SAMSN1: variants seen among roughly 807,000 people sequenced by gnomAD.
SAMSN1 encodes SAM domain-containing protein SAMSN-1.
Under a neutral mutation model 42.0 loss-of-function variants are expected in SAMSN1, and 31 were observed. The observed-to-expected ratio is 0.74, with a 90% confidence interval of 0.55 to 1.00. The LOEUF is 1.00. Among genes scored for constraint, SAMSN1 ranks in the 50% least tolerant of loss-of-function variants. The probability of loss-of-function intolerance (pLI) is 0.00; values close to 1 mark genes in which losing one functional copy is unlikely to be tolerated. For missense variants in SAMSN1, 464 were observed against 439.4 expected (o/e 1.06, Z -0.50); for synonymous variants, 178 against 151.9 (o/e 1.17, Z -1.26).
intron 1 of SAMSN1, among the ~76,000 whole-genome samples, chr21:14,540,494 AAAG>A (rs1302383515): frequency 6.6e-6 from 1 of 152,234 alleles, no homozygotes; most frequent in East Asian, 1.9e-4. Flanking sequence ...ACACTTCTCA[AAAG>A]AAGACATTTA....
At chr21:14,514,827 T>C (rs973430630) in intron 3 of SAMSN1, among the ~76,000 whole-genome samples, 1 of 152,164 alleles carries the variant, frequency 6.6e-6, no homozygotes, top group Non-Finnish European at 1.5e-5. Context: ...GACATCTAAA[T>C]GAAGATATCA....
At chr21:14,643,807 C>T (rs1439297402) in intron 1 of SAMSN1, among the ~76,000 whole-genome samples, 1 of 152,216 alleles carries the variant, frequency 6.6e-6, no homozygotes, top group Non-Finnish European at 1.5e-5. Flanking sequence ...TCCGACGCCA[C>T]TCCTCCCCTA....
chr21:14,615,969 GACTT>G (rs1318838742), intron 3 of SAMSN1: 1 of 547,118 alleles, frequency 1.8e-6, no homozygotes, highest in East Asian at 3.1e-5. Flanking sequence ...AAGTAAATTT[GACTT>G]ACTTTCTCTT....
chr21:14,552,669 T>C (rs1664322828), intron 2 of SAMSN1, among the ~76,000 whole-genome samples: 1 of 152,146 alleles, frequency 6.6e-6, no homozygotes, highest in South Asian at 2.1e-4. Context: ...TGGTATTTTA[T>C]TATAGCAGCC....
Position 14,546,269 on chromosome 21 carries a change from T to C in SAMSN1, c.-8A>G, listed in dbSNP as rs1980385062. The C allele has an allele frequency of 6.2e-7, 1 of 1,613,302 alleles. No homozygotes were observed. Among genetic ancestry groups the C allele is most frequent in the African/African-American group, 1.3e-5 (1 of 74,888 alleles). On this transcript the variant is annotated 5_prime_UTR_variant, in exon 1 of 8. Transcript: ENST00000400566. ...TGGCTTTCTCTTGAGCATTTTGAATTCTGACTACTCCTAGTGAGTGCACTT... is the reference window on the plus strand; with the variant it reads ...TGGCTTTCTCTTGAGCATTTTGAATCCTGACTACTCCTAGTGAGTGCACTT...
At chr21:14,658,744 T>A (rs1208444803) in intron 1 of SAMSN1, 7 of 715,302 alleles carry the variant, frequency 9.8e-6, no homozygotes, top group Non-Finnish European at 7.8e-6. Flanking sequence ...ATAAAGGAAC[T>A]TACCAGCGAA....
At chr21:14,587,302 A>G (rs1478628420), upstream of SAMSN1, among the ~76,000 whole-genome samples, 3 of 152,102 alleles carry the variant, frequency 2.0e-5, no homozygotes, top group African/African-American at 7.2e-5. Context: ...TATCTCATCT[A>G]TCAGCTTTCA....
At chr21:14,547,961 C>A (rs576147133), upstream of SAMSN1, among the ~76,000 whole-genome samples, 200 of 152,186 alleles carry the variant, frequency 1.3e-3, no homozygotes, top group African/African-American at 4.7e-3. Context: ...AATACTGACA[C>A]AGACAGAGAA....
chr21:14,594,073 G>A (rs745990717), exon 7 of SAMSN1: 2 of 710,784 alleles, frequency 2.8e-6, no homozygotes, highest in South Asian at 3.0e-5. Context: ...AACATTCAGA[G>A]GTCACCTTAG....
At chr21:14,531,113 G>A (rs944228118) in intron 1 of SAMSN1, among the ~76,000 whole-genome samples, 2 of 151,930 alleles carry the variant, frequency 1.3e-5, no homozygotes, top group African/African-American at 2.4e-5. Context: ...ATAGGATATG[G>A]CAAATAGACA....
At chr21:14,526,562 G>A (rs1248495384) in intron 1 of SAMSN1, among the ~76,000 whole-genome samples, 1 of 152,138 alleles carries the variant, frequency 6.6e-6, no homozygotes, top group South Asian at 2.1e-4. Context: ...ACAGAATACT[G>A]TTTCATGATA....
chr21:14,531,503 A>G (rs1195013648), intron 1 of SAMSN1, among the ~76,000 whole-genome samples: 2 of 151,798 alleles, frequency 1.3e-5, no homozygotes, highest in African/African-American at 4.8e-5. Context: ...AATCAGAGAG[A>G]GGAAATCTCA....
chr21:14,570,355 C>G (rs1416636348), intron 2 of SAMSN1, among the ~76,000 whole-genome samples: 1 of 152,134 alleles, frequency 6.6e-6, no homozygotes, highest in African/African-American at 2.4e-5. Flanking sequence ...TTGCATGGCT[C>G]CAAGCCACTC....
At chr21:14,523,054 AT>A (rs201007957) in intron 1 of SAMSN1, among the ~76,000 whole-genome samples, 27 of 151,796 alleles carry the variant, frequency 1.8e-4, no homozygotes, top group African/African-American at 5.3e-4. Context: ...TCAGGAACTG[AT>A]TTTTTTTTCT....
rs963641078 is a variant in SAMSN1 at position 14,552,951 on chromosome 21, T to C, written c.261+29185A>G. Among the ~76,000 whole-genome samples, 33 of 152,208 alleles carry C rather than the reference T, an allele frequency of 2.2e-4. 5 individuals are homozygous for C. The highest frequency in any genetic ancestry group is 1.2e-3 in the Admixed American group (19 of 15,272). The stretch of plus-strand genomic sequence containing the variant: ...AAAGTTTTGCAAATATAAAAATGCT[T>C]ACACTAAAAAAGTTAGAAAACACAA... On this transcript the variant is annotated intron_variant, in intron 2 of 8. Transcript: ENST00000285670.
chr21:14,579,503 A>G (rs1015473943), intron 2 of SAMSN1, among the ~76,000 whole-genome samples: 8 of 152,216 alleles, frequency 5.3e-5, no homozygotes, highest in African/African-American at 1.9e-4. Flanking sequence ...AGCTAGAAAA[A>G]CAAGAAGAAA....
At chr21:14,530,023 A>G (rs1979139074) in intron 1 of SAMSN1, among the ~76,000 whole-genome samples, 1 of 152,210 alleles carries the variant, frequency 6.6e-6, no homozygotes, top group South Asian at 2.1e-4. Flanking sequence ...TTTAGAAATA[A>G]TCACCAAATC....
At chr21:14,486,541 C>T (rs1392069444) in intron 7 of SAMSN1, among the ~76,000 whole-genome samples, 3 of 152,230 alleles carry the variant, frequency 2.0e-5, no homozygotes, top group Non-Finnish European at 4.4e-5. Context: ...CAATAGTGAT[C>T]TTTGTGAACA....
chr21:14,609,343 CTA>C (rs1365744298), intron 5 of SAMSN1: 8 of 616,254 alleles, frequency 1.3e-5, no homozygotes, highest in Admixed American at 8.4e-5. Context: ...ATATTCTATT[CTA>C]TCTTATTTGG....
Sources: allele counts gnomAD v4.1 joint callset (sites outside exome capture counted in the v4.1 genomes callset), GRCh38; gene constraint gnomAD v4.1.1; transcripts MANE v1.5; gene names NCBI Gene and HGNC (gene_info 2026-07-23, HGNC 2026-07-21).